The following CDKN2B-AS1 variants were observed in gnomAD, a reference collection of about 807,000 sequenced individuals.
The protein encoded by CDKN2B-AS1 is CDKN2B and CDKN2A antisense cis and trans regulatory RNA 1, also known as CDKN2B antisense RNA 1 (non-protein coding).
At chr9:21,998,141 CT>C (rs139338792) in intron 1 of CDKN2B-AS1, among the ~76,000 whole-genome samples, 265 of 152,356 alleles carry the variant, frequency 1.7e-3, no homozygotes, top group Non-Finnish European at 3.0e-3. Flanking sequence ...TACCTGTTCT[CT>C]TTCAGTTGCA....
chr9:22,036,838 C>G (rs1235325374), intron 1 of CDKN2B-AS1, among the ~76,000 whole-genome samples: 1 of 151,994 alleles, frequency 6.6e-6, no homozygotes, highest in Non-Finnish European at 1.5e-5. Flanking sequence ...GCATTAGAGG[C>G]CCAGCTGTGT....
chr9:22,063,275 T>C (rs148356746), intron 4 of CDKN2B-AS1, among the ~76,000 whole-genome samples: 10 of 152,218 alleles, frequency 6.6e-5, no homozygotes, highest in Middle Eastern at 3.4e-3. Flanking sequence ...GATGGAGGAT[T>C]CTTCACAAAA....
At chr9:22,079,261 A>T (rs1051921848) in intron 4 of CDKN2B-AS1, among the ~76,000 whole-genome samples, 7 of 152,196 alleles carry the variant, frequency 4.6e-5, no homozygotes, top group African/African-American at 1.7e-4. Context: ...AGGCGGGAGG[A>T]TCACCTGAGG....
intron 1 of CDKN2B-AS1, among the ~76,000 whole-genome samples, chr9:21,998,990 A>G (rs1820807452): frequency 6.6e-6 from 1 of 152,218 alleles, no homozygotes; most frequent in Non-Finnish European, 1.5e-5. Flanking sequence ...AAGGCAAAGG[A>G]TATAATAGTT....
intron 1 of CDKN2B-AS1, chr9:22,003,278 A>T (rs548134818): frequency 2.4e-5 from 5 of 208,152 alleles, no homozygotes; most frequent in African/African-American, 4.5e-5. Context: ...TGCTTTAAAT[A>T]AAAAAAACTA....
intron 4 of CDKN2B-AS1, chr9:22,119,424 A>C (rs1261636329): frequency 6.6e-6 from 1 of 151,966 alleles, no homozygotes; most frequent in Non-Finnish European, 1.5e-5. Flanking sequence ...TGCTGACTTC[A>C]CTCTTATGCG....
intron 4 of CDKN2B-AS1, among the ~76,000 whole-genome samples, chr9:22,107,369 G>C (rs1341701137): frequency 6.6e-6 from 1 of 152,018 alleles, no homozygotes; most frequent in Admixed American, 6.6e-5. Flanking sequence ...ACAACCCCAG[G>C]GTGTCTTCAA....
At chr9:22,060,016 C>T (rs556927581) in intron 4 of CDKN2B-AS1, among the ~76,000 whole-genome samples, 27 of 152,238 alleles carry the variant, frequency 1.8e-4, no homozygotes, top group African/African-American at 6.5e-4. Context: ...ACTTTTTCCT[C>T]TTGGGCCTCT....
At chr9:22,091,869 A>T (rs1296692047) in intron 4 of CDKN2B-AS1, among the ~76,000 whole-genome samples, 1 of 152,074 alleles carries the variant, frequency 6.6e-6, no homozygotes, top group Non-Finnish European at 1.5e-5. Flanking sequence ...GTTGAATAGG[A>T]GTGGTGAGAG....
At chr9:22,017,621 A>G (rs150214195) in intron 1 of CDKN2B-AS1, among the ~76,000 whole-genome samples, 1 of 152,216 alleles carries the variant, frequency 6.6e-6, no homozygotes, top group Admixed American at 6.5e-5. Flanking sequence ...TTATGTCAAC[A>G]TTGGCTTGTG....
chr9:22,009,148 C>T (rs899111447), intron 1 of CDKN2B-AS1: 34 of 728,490 alleles, frequency 4.7e-5, no homozygotes, highest in Non-Finnish European at 7.1e-5. Flanking sequence ...CGGTCGTTAG[C>T]TCCGGGCTTT....
intron 3 of CDKN2B-AS1, among the ~76,000 whole-genome samples, chr9:22,051,964 C>T (rs1823364539): frequency 6.6e-6 from 1 of 152,130 alleles, no homozygotes; most frequent in Admixed American, 6.6e-5. Context: ...ATTTCACTAG[C>T]TGCACAGTTT....
intron 4 of CDKN2B-AS1, among the ~76,000 whole-genome samples, chr9:22,069,726 T>C (rs1335896256): frequency 1.3e-5 from 2 of 152,220 alleles, no homozygotes; most frequent in African/African-American, 4.8e-5. Context: ...CTGTTAATCA[T>C]AGTCACTCTA....
intron 4 of CDKN2B-AS1, chr9:22,092,538 T>C (rs1825128211): frequency 1.3e-5 from 2 of 152,226 alleles, no homozygotes; most frequent in Non-Finnish European, 2.9e-5. Flanking sequence ...AACTTCTTCA[T>C]GGTTTAGTCT....
chr9:22,013,453 T>C (rs1821601872), intron 1 of CDKN2B-AS1, among the ~76,000 whole-genome samples: 2 of 152,128 alleles, frequency 1.3e-5, no homozygotes, highest in South Asian at 2.1e-4. Flanking sequence ...CTCTCTCTCT[T>C]TTTTTTCTTA....
rs541875424 is a variant in CDKN2B-AS1 at position 22,015,914 on chromosome 9, T to C, written n.29+20753T>C. Among the ~76,000 whole-genome samples the C allele has an allele frequency of 2.9e-3, 448 of 152,366 alleles. 1 individual carries two copies. The highest frequency in any genetic ancestry group is 0.01 in the African/African-American group (426 of 41,586). ...TCTTCTTTTGAGAAGTGTCTGTTCATATCCTTCGCCCATTTTTTGATGGGG... is the reference window on the plus strand; with the variant it reads ...TCTTCTTTTGAGAAGTGTCTGTTCACATCCTTCGCCCATTTTTTGATGGGG... On this transcript the variant is annotated intron_variant and non_coding_transcript_variant, in intron 1 of 4. Coordinates refer to ENST00000650946, the Ensembl canonical transcript of CDKN2B-AS1.
At chr9:22,068,275 A>C (rs1824145344) in intron 4 of CDKN2B-AS1, among the ~76,000 whole-genome samples, 1 of 152,212 alleles carries the variant, frequency 6.6e-6, no homozygotes, top group Non-Finnish European at 1.5e-5. Context: ...CAAGGACTTT[A>C]CAATCAATCT....
rs961157536 is a variant in CDKN2B-AS1 at position 21,997,370 on chromosome 9, T to C, written n.29+2209T>C. Among the ~76,000 whole-genome samples, 4 of 152,102 alleles carry C rather than the reference T, an allele frequency of 2.6e-5. No homozygotes were observed. The highest frequency in any genetic ancestry group is 9.7e-5 in the African/African-American group (4 of 41,388). ...GGACACCACCAATATGTGACTGTGG[T>C]TGACTGAAGCATCGTTATCCAGCAC... On this transcript the variant is annotated intron_variant and non_coding_transcript_variant, in intron 1 of 4. Transcript: ENST00000650946. This position sits in a 1 kb window ranked among gnomAD's most constrained non-coding sequence, Gnocchi z 4.8.
intron 3 of CDKN2B-AS1, among the ~76,000 whole-genome samples, chr9:22,054,062 A>G (rs1239080681): frequency 6.6e-6 from 1 of 152,230 alleles, no homozygotes; most frequent in Non-Finnish European, 1.5e-5. Flanking sequence ...TTATAATAAT[A>G]ACCTTAGCTA....
Sources: allele counts gnomAD v4.1 joint callset (sites outside exome capture counted in the v4.1 genomes callset), GRCh38; gene constraint gnomAD v4.1.1; non-coding constraint Gnocchi (gnomAD v3.1); transcripts MANE v1.5; gene names NCBI Gene and HGNC (gene_info 2026-07-23, HGNC 2026-07-21).